The following TENM3 variants were observed in gnomAD, a reference collection of about 807,000 sequenced individuals.
TENM3 encodes teneurin-3.
Under a neutral mutation model 255.1 loss-of-function variants are expected in TENM3, and 63 were observed. The ratio of observed to expected loss-of-function variants is 0.25; its 90% CI spans 0.20 to 0.30. TENM3 has a LOEUF of 0.30. TENM3 is among the 10% of genes least tolerant of loss of function. The pLI is 1.00. For missense variants in TENM3, 2,929 were observed against 3,461.1 expected (o/e 0.85, Z 3.86); for synonymous variants, 1,306 against 1,322.3 (o/e 0.99, Z 0.27).
At chr4:181,718,988 T>C in the TENM3 span, among the ~76,000 whole-genome samples, 1 of 151,640 alleles carries the variant, frequency 6.6e-6, no homozygotes, top group Non-Finnish European at 1.5e-5. Flanking sequence ...GGGTGGATCA[T>C]GAGGTCAGGA....
At chr4:182,325,602 C>T (rs1309905953) in intron 2 of TENM3, among the ~76,000 whole-genome samples, 1 of 152,034 alleles carries the variant, frequency 6.6e-6, no homozygotes, top group Non-Finnish European at 1.5e-5. Flanking sequence ...ATTGTCTGCA[C>T]AGCTGAAATA....
At chr4:181,992,682 A>G in the TENM3 span, among the ~76,000 whole-genome samples, 3 of 152,190 alleles carry the variant, frequency 2.0e-5, no homozygotes, top group Non-Finnish European at 2.9e-5. Context: ...TTGATCCGTG[A>G]CAAATGGGGA....
intron 1 of TENM3, among the ~76,000 whole-genome samples, chr4:182,221,388 G>A (rs1755844462): frequency 6.6e-6 from 1 of 152,166 alleles, no homozygotes; most frequent in Admixed American, 6.5e-5. Flanking sequence ...TTAGCACTGT[G>A]TTGCTGTCCC....
the TENM3 span, among the ~76,000 whole-genome samples, chr4:181,844,683 A>G: frequency 6.6e-6 from 1 of 152,090 alleles, no homozygotes. Flanking sequence ...AATAAAATAA[A>G]ATAAAATAAA....
At chr4:181,951,127 T>C in the TENM3 span, among the ~76,000 whole-genome samples, 10 of 152,222 alleles carry the variant, frequency 6.6e-5, no homozygotes, top group African/African-American at 2.4e-4. Context: ...GATAATGTTA[T>C]TTTTCCCAGT....
intron 4 of TENM3, among the ~76,000 whole-genome samples, chr4:182,611,417 T>G (rs1306574223): frequency 6.6e-6 from 1 of 151,610 alleles, no homozygotes. Context: ...TAGTTAAATA[T>G]AAGTGAACTT....
At chr4:182,533,839 G>A (rs545245611) in intron 3 of TENM3, among the ~76,000 whole-genome samples, 1 of 152,042 alleles carries the variant, frequency 6.6e-6, no homozygotes, top group Admixed American at 6.5e-5. Flanking sequence ...CTTGAATGTG[G>A]GAGGGGGAGG....
At chr4:182,491,406 T>C (rs1735285464) in intron 3 of TENM3, among the ~76,000 whole-genome samples, 3 of 152,034 alleles carry the variant, frequency 2.0e-5, no homozygotes. Flanking sequence ...TGTGTGTGTG[T>C]CTTTTGTAGA....
intron 11 of TENM3, among the ~76,000 whole-genome samples, chr4:182,682,296 A>G (rs1463163730): frequency 6.6e-6 from 1 of 152,220 alleles, no homozygotes; most frequent in Non-Finnish European, 1.5e-5. Context: ...TTATGGAACT[A>G]CTAACCAAAA....
At chr4:181,631,031 A>G in the TENM3 span, among the ~76,000 whole-genome samples, 2 of 152,158 alleles carry the variant, frequency 1.3e-5, no homozygotes, top group Admixed American at 1.3e-4. Context: ...TGCGGTATCA[A>G]TAGGTTGAAA....
the TENM3 span, among the ~76,000 whole-genome samples, chr4:181,872,407 T>G: frequency 2.0e-5 from 3 of 152,230 alleles, no homozygotes; most frequent in Non-Finnish European, 2.9e-5. Flanking sequence ...TTGTACACGT[T>G]ATTTCATCAC....
intron 4 of TENM3, 46 bp from the exon 5 acceptor site, chr4:182,628,605 A>G (rs187560036): frequency 3.2e-6 from 4 of 1,264,006 alleles, no homozygotes; most frequent in Admixed American, 4.0e-5. Flanking sequence ...TGTCTCTTGT[A>G]TCGTAACATA....
At chr4:181,482,765 C>A in the TENM3 span, among the ~76,000 whole-genome samples, 1 of 152,070 alleles carries the variant, frequency 6.6e-6, no homozygotes, top group African/African-American at 2.4e-5. Flanking sequence ...TTTTACCGAC[C>A]TTTCGTTTTA....
chr4:182,334,909 T>C (rs1764000992), intron 2 of TENM3, among the ~76,000 whole-genome samples: 1 of 152,172 alleles, frequency 6.6e-6, no homozygotes, highest in Admixed American at 6.5e-5. Context: ...GCTTAAAAAC[T>C]GAAGAGAATC....
the TENM3 span, among the ~76,000 whole-genome samples, chr4:181,870,605 C>A: frequency 5.3e-5 from 8 of 152,104 alleles, no homozygotes; most frequent in Non-Finnish European, 1.2e-4. Flanking sequence ...CTATTTGAGT[C>A]CTTTGCCCAT....
upstream of TENM3, among the ~76,000 whole-genome samples, chr4:182,239,145 C>T (rs575892881): frequency 5.2e-4 from 79 of 151,334 alleles, no homozygotes; most frequent in South Asian, 2.5e-3. Context: ...GGCACGATCT[C>T]GACTCACTGT....
the TENM3 span, among the ~76,000 whole-genome samples, chr4:181,856,020 AGAAGGAAGGAAAGGAAGAAG>A: frequency 1.6e-5 from 1 of 63,438 alleles, no homozygotes; most frequent in African/African-American, 3.8e-5. Flanking sequence ...GGAAAGGGAA[AGAAGGAAGGAAAGGAAGAAG>A]GAAGGAAGGA....
At position 182,628,587 on chromosome 4, in the gene TENM3, CTGTCTCT is replaced by C; in HGVS notation, c.750-53_750-47del. 3 of 1,074,048 alleles carry C rather than the reference CTGTCTCT, an allele frequency of 2.8e-6. No homozygotes were observed. The South Asian group carries it at 4.2e-5, about 15-fold the overall frequency. The allele number at this position is 1,074,048 out of a possible 1,614,324, so 66.5% of individuals were successfully genotyped here. A position where few individuals can be genotyped will look rare whatever the true frequency, so the allele number is the denominator to read the frequency against. On this transcript the variant is annotated intron_variant, in intron 4 of 27. Coordinates refer to ENST00000511685, the MANE Select transcript of TENM3 (RefSeq NM_001080477.4). ...AGAGACAGGAGAGCTAAATGCATCG[CTGTCTCT>C]TGTCTCTTGTATCGTAACATATTTG...
intron 19 of TENM3, among the ~76,000 whole-genome samples, chr4:182,749,950 C>A (rs957912632): frequency 3.3e-5 from 5 of 149,590 alleles, no homozygotes; most frequent in Middle Eastern, 3.5e-3. Context: ...CCTGAAAGAC[C>A]AGCTGTGTCA....
Sources: gnomAD v4.1 joint callset for allele counts (sites outside exome capture counted in the v4.1 genomes callset) on GRCh38, gnomAD v4.1.1 for gene constraint, MANE v1.5 for transcripts, NCBI Gene and HGNC (gene_info 2026-07-23, HGNC 2026-07-21) for gene names.